The following PROS1 variants were observed in gnomAD, a reference collection of about 807,000 sequenced individuals.
The protein encoded by PROS1 is protein S.
A neutral mutation model predicts 75.9 loss-of-function variants in PROS1; 29 were observed. That is an observed-to-expected ratio of 0.38 (90% CI 0.28 to 0.52). The LOEUF (loss-of-function observed/expected upper bound fraction) is 0.52, where lower values mean the gene tolerates loss of function less well. Among genes scored for constraint, PROS1 ranks in the 20% least tolerant of loss-of-function variants. The pLI, the probability that PROS1 is intolerant of heterozygous loss-of-function variation, is 0.83. For missense variants in PROS1, 680 were observed against 810.3 expected (o/e 0.84, Z 1.95); for synonymous variants, 245 against 280.6 (o/e 0.87, Z 1.27).
At chr3:93,949,358 C>T (rs968611379) in intron 1 of PROS1, among the ~76,000 whole-genome samples, 2 of 152,160 alleles carry the variant, frequency 1.3e-5, no homozygotes, top group Admixed American at 6.5e-5. Flanking sequence ...CCACTTACCA[C>T]ATTTGGCAGG....
chr3:93,909,925 A>G (rs1708734617), intron 4 of PROS1, among the ~76,000 whole-genome samples: 1 of 152,168 alleles, frequency 6.6e-6, no homozygotes, highest in Admixed American at 6.6e-5. Flanking sequence ...TTTTAAGAAA[A>G]GATAAAGCAT....
chr3:93,895,150 T>C (rs1217981391), intron 9 of PROS1, among the ~76,000 whole-genome samples: 1 of 152,242 alleles, frequency 6.6e-6, no homozygotes, highest in Non-Finnish European at 1.5e-5. Context: ...TAAATAGTTG[T>C]CATACTGTAT....
intron 1 of PROS1, among the ~76,000 whole-genome samples, chr3:93,938,263 G>T (rs1042904441): frequency 6.6e-6 from 1 of 152,010 alleles, no homozygotes; most frequent in Non-Finnish European, 1.5e-5. Flanking sequence ...TGCCACCAGA[G>T]AACAACCCCT....
intron 1 of PROS1, among the ~76,000 whole-genome samples, chr3:93,944,880 G>C (rs1366110267): frequency 2.0e-5 from 3 of 151,898 alleles, no homozygotes; most frequent in African/African-American, 7.3e-5. Context: ...CTGGTTTTTT[G>C]AAAAGGTCAA....
chr3:93,887,503 A>T (rs1708366974), intron 10 of PROS1, among the ~76,000 whole-genome samples: 1 of 152,208 alleles, frequency 6.6e-6, no homozygotes, highest in Non-Finnish European at 1.5e-5. Flanking sequence ...CTCTTCACTC[A>T]CTAACCAATA....
intron 8 of PROS1, among the ~76,000 whole-genome samples, chr3:93,897,282 T>C (rs1251187724): frequency 2.0e-5 from 3 of 152,122 alleles, no homozygotes; most frequent in East Asian, 1.9e-4. Context: ...TCATCACATA[T>C]GGTATCAAGT....
chr3:93,875,847 G>A (rs1389187555), intron 14 of PROS1, among the ~76,000 whole-genome samples: 1 of 152,052 alleles, frequency 6.6e-6, no homozygotes, highest in Non-Finnish European at 1.5e-5. Flanking sequence ...CTCCCCATGA[G>A]AATAAATTGC....
chr3:93,891,312 A>G (rs1037290304), intron 10 of PROS1, among the ~76,000 whole-genome samples: 1 of 152,164 alleles, frequency 6.6e-6, no homozygotes, highest in Non-Finnish European at 1.5e-5. Flanking sequence ...ACTATCAACT[A>G]GCAGTAATCC....
chr3:93,925,371 G>T (rs1208207386), intron 2 of PROS1, among the ~76,000 whole-genome samples: 1 of 152,114 alleles, frequency 6.6e-6, no homozygotes, highest in African/African-American at 2.4e-5. Flanking sequence ...GGATTCAAAG[G>T]TGATATTGCG....
At chr3:93,911,733 C>A (rs1420958827) in intron 3 of PROS1, among the ~76,000 whole-genome samples, 3 of 152,178 alleles carry the variant, frequency 2.0e-5, no homozygotes, top group Non-Finnish European at 4.4e-5. Flanking sequence ...AGTGGCACTT[C>A]TTTCATGACA....
chr3:93,948,155 T>C (rs143709324), intron 1 of PROS1, among the ~76,000 whole-genome samples: 77 of 152,094 alleles, frequency 5.1e-4, no homozygotes, highest in Non-Finnish European at 8.1e-4. Flanking sequence ...ATACAGTTAA[T>C]AGCATGGAAG....
chr3:93,896,499 T>G (rs1363804679), intron 9 of PROS1, 77 bp downstream of exon 9: 9 of 1,079,248 alleles, frequency 8.3e-6, no homozygotes, highest in Non-Finnish European at 1.3e-5. Flanking sequence ...TTCACACACT[T>G]CAAACCTTTT....
intron 1 of PROS1, among the ~76,000 whole-genome samples, chr3:93,942,481 C>T (rs569632402): frequency 7.9e-5 from 12 of 152,282 alleles, no homozygotes; most frequent in South Asian, 2.1e-4. Context: ...CAGATCCCAT[C>T]GCTCAGGACA....
At chr3:93,923,192 C>T (rs2107195773) in intron 3 of PROS1, among the ~76,000 whole-genome samples, 1 of 152,090 alleles carries the variant, frequency 6.6e-6, no homozygotes, top group South Asian at 2.1e-4. Flanking sequence ...TGGGCAGGGC[C>T]AGAAAAGCGG....
intron 1 of PROS1, among the ~76,000 whole-genome samples, chr3:93,928,237 G>T (rs879929410): frequency 2.0e-5 from 3 of 149,830 alleles, no homozygotes; most frequent in Non-Finnish European, 4.4e-5. Context: ...AGGCTAAGGC[G>T]GGAGTGCCAC....
chr3:93,945,870 T>C (rs1214526131), intron 1 of PROS1, among the ~76,000 whole-genome samples: 3 of 152,160 alleles, frequency 2.0e-5, no homozygotes, highest in Non-Finnish European at 4.4e-5. Context: ...AGTCAAATTG[T>C]CCCTGTGTGC....
chr3:93,957,125 T>C (rs1709615919), intron 1 of PROS1, among the ~76,000 whole-genome samples: 1 of 151,960 alleles, frequency 6.6e-6, no homozygotes, highest in African/African-American at 2.4e-5. Flanking sequence ...AAATATATTA[T>C]AATAAGCACA....
At chr3:93,914,187 G>T (rs1316076845) in intron 3 of PROS1, among the ~76,000 whole-genome samples, 7 of 152,120 alleles carry the variant, frequency 4.6e-5, no homozygotes, top group Admixed American at 6.5e-5. Flanking sequence ...CTGGGCTCTC[G>T]GGGCTTCCCA....
intron 1 of PROS1, 80 bp downstream of exon 1, chr3:93,973,594 G>A (rs1655840230): frequency 2.0e-6 from 3 of 1,464,646 alleles, no homozygotes; most frequent in Admixed American, 1.9e-5. Context: ...CAGCTCTAGA[G>A]AAGAAAATCC....
Sources: allele counts gnomAD v4.1 joint callset (sites outside exome capture counted in the v4.1 genomes callset), GRCh38; gene constraint gnomAD v4.1.1; transcripts MANE v1.5; gene names NCBI Gene and HGNC (gene_info 2026-07-23, HGNC 2026-07-21).